The following POU2F1 variants were observed in gnomAD, a reference collection of about 807,000 sequenced individuals.
POU2F1 encodes POU class 2 homeobox 1.
In POU2F1, 16 loss-of-function variants were observed where a neutral mutation model predicts 84.9. That is an observed-to-expected ratio of 0.19 (90% CI 0.13 to 0.29). The LOEUF (loss-of-function observed/expected upper bound fraction) is 0.29. POU2F1 is among the 10% of genes least tolerant of loss of function. POU2F1 has a pLI of 1.00. For missense variants in POU2F1, 738 were observed against 942.6 expected (o/e 0.78, Z 2.84); for synonymous variants, 368 against 368.3 (o/e 1.00, Z 0.01).
chr1:167,360,214 TTG>T, intron 2 of POU2F1, among the ~76,000 whole-genome samples: 1 of 152,284 alleles, frequency 6.6e-6, no homozygotes, highest in South Asian at 2.1e-4. Flanking sequence ...TAAATCCAAG[TTG>T]TCTGTTTTTA....
chr1:167,257,274 G>A (rs555591268), intron 1 of POU2F1, among the ~76,000 whole-genome samples: 5 of 152,232 alleles, frequency 3.3e-5, no homozygotes, highest in African/African-American at 1.2e-4. Context: ...GTGAGCATGA[G>A]GATAACTTAA....
At position 167,398,061 on chromosome 1, in the gene POU2F1, G is replaced by C; in HGVS notation, c.1197G>C (p.Leu399Phe). The change falls in exon 11 of 16, where the codon TTG (leucine) becomes TTC (phenylalanine). Residue 399 changes from leucine (L) to phenylalanine (F), a missense_variant. This residue lies in a region of POU2F1 where 95 missense variants were observed against 195.1 expected (regional missense o/e 0.49). Transcript: ENST00000367866. ...SALNSPGIEGLSRRRKKRTSI... is the reference protein window; with the variant it reads ...SALNSPGIEGFSRRRKKRTSI... ...TGAATTCTCCAGGAATTGAGGGCTT[G>C]AGCCGTAGGAGGAAGAAACGCACCA... is the stretch of plus-strand genomic sequence containing the variant. 1 of 1,614,120 alleles carries C rather than the reference G, an allele frequency of 6.2e-7. No homozygotes were observed. The highest frequency in any genetic ancestry group is 8.5e-7 in the Non-Finnish European group (1 of 1,179,994).
At chr1:167,233,253 C>T (rs1649199269) in intron 1 of POU2F1, among the ~76,000 whole-genome samples, 1 of 151,606 alleles carries the variant, frequency 6.6e-6, no homozygotes, top group Non-Finnish European at 1.5e-5. Flanking sequence ...CCTCCTACCT[C>T]AGCCTCCTGA....
At chr1:167,351,371 A>G (rs1023760829) in intron 2 of POU2F1, among the ~76,000 whole-genome samples, 1 of 151,976 alleles carries the variant, frequency 6.6e-6, no homozygotes, top group African/African-American at 2.4e-5. Context: ...AAACAAAATT[A>G]GCTGGGTATG....
intron 4 of POU2F1, among the ~76,000 whole-genome samples, chr1:167,370,953 G>T (rs1178148788): frequency 1.3e-5 from 2 of 152,114 alleles, no homozygotes; most frequent in Non-Finnish European, 2.9e-5. Context: ...TTTCATTATA[G>T]TGTTTAGGTA....
At chr1:167,368,341 C>T (rs1022435732) in intron 3 of POU2F1, among the ~76,000 whole-genome samples, 1 of 151,636 alleles carries the variant, frequency 6.6e-6, no homozygotes, top group Non-Finnish European at 1.5e-5. Flanking sequence ...GAGTCCCTCT[C>T]GGTGCATTCA....
Position 167,415,530 on chromosome 1 carries a change from C to T in POU2F1, c.2021C>T (p.Thr674Ile). 6.2e-7 allele frequency: 1 copy of T among 1,614,148 alleles called. No homozygotes were observed. Among genetic ancestry groups the T allele is most frequent in the Non-Finnish European group, 8.5e-7 (1 of 1,180,024 alleles). The change falls in exon 16 of 16, where the codon ACA becomes ATA. Residue 674 changes from threonine (T) to isoleucine (I), a missense_variant. Thr to Ile is a moderately conservative substitution (Grantham distance 89, BLOSUM62 -1). Around this residue, in one of 4 missense-constraint regions of POU2F1, gnomAD observed 319 missense variants for 386.0 expected, o/e 0.83. Transcript: ENST00000367866. ...ALASGGSLPI[T>I]SLDATGNLVF... is the part of the protein sequence containing the mutation. Reference sequence around the variant, plus strand: ...GCTTCTGGTGGCTCTCTTCCAATAACATCACTTGATGCAACTGGGAACCTG... The same window carrying T: ...GCTTCTGGTGGCTCTCTTCCAATAATATCACTTGATGCAACTGGGAACCTG...
At chr1:167,258,273 C>T (rs1651298393) in intron 1 of POU2F1, among the ~76,000 whole-genome samples, 1 of 152,184 alleles carries the variant, frequency 6.6e-6, no homozygotes, top group Non-Finnish European at 1.5e-5. Flanking sequence ...AGCTTGTGAG[C>T]ATCTCCATAT....
At chr1:167,324,497 G>C (rs996417731) in intron 1 of POU2F1, among the ~76,000 whole-genome samples, 1 of 151,980 alleles carries the variant, frequency 6.6e-6, no homozygotes, top group Non-Finnish European at 1.5e-5. Context: ...ATATGCTTTG[G>C]GTTAAAATAC....
intron 1 of POU2F1, among the ~76,000 whole-genome samples, chr1:167,284,861 A>C (rs1653408465): frequency 6.6e-6 from 1 of 152,142 alleles, no homozygotes; most frequent in Non-Finnish European, 1.5e-5. Context: ...TTTCACAATA[A>C]ATGTTTGTTG....
chr1:167,312,957 G>C (rs1390875411), intron 1 of POU2F1, among the ~76,000 whole-genome samples: 1 of 152,204 alleles, frequency 6.6e-6, no homozygotes, highest in Non-Finnish European at 1.5e-5. Context: ...TTGTAGCCTA[G>C]GAGCAATAGG....
intron 7 of POU2F1, chr1:167,376,551 A>G (rs1489004521): frequency 6.4e-6 from 1 of 155,084 alleles, no homozygotes; most frequent in Admixed American, 6.5e-5. Flanking sequence ...TTTTAATTTA[A>G]GGAGGGAAGA....
chr1:167,284,035 G>T (rs1653350786), intron 1 of POU2F1, among the ~76,000 whole-genome samples: 1 of 151,968 alleles, frequency 6.6e-6, no homozygotes, highest in Non-Finnish European at 1.5e-5. Context: ...ATTTATTTTT[G>T]ACCGCTCTTA....
intron 15 of POU2F1, chr1:167,414,619 G>A: frequency 1.0e-6 from 1 of 985,372 alleles, no homozygotes; most frequent in Non-Finnish European, 1.2e-6. Context: ...TGTTGATGAT[G>A]CCTTCTTTGG....
chr1:167,295,116 C>A (rs572336428), intron 1 of POU2F1, among the ~76,000 whole-genome samples: 1 of 149,406 alleles, frequency 6.7e-6, no homozygotes, highest in South Asian at 2.1e-4. Flanking sequence ...AGCAAGACTC[C>A]ATCTCAAAAA....
Position 167,220,911 on chromosome 1 carries a change from G to C in POU2F1, c.14G>C (p.Gly5Ala), listed in dbSNP as rs1002289145. Residue 5 changes from glycine (G) to alanine (A), a missense_variant, in exon 1 of 16, where the codon GGA becomes GCA. Coordinates refer to ENST00000367866, the MANE Select transcript of POU2F1 (RefSeq NM_002697.4). MADG[G>A]AASQDESSAA... is the part of the protein sequence containing the mutation. ...AAAATATTCAAAATGGCGGACGGAG[G>C]AGCAGCGAGTCAAGATGAGAGTTCA... is the stretch of plus-strand genomic sequence containing the variant. The C allele has an allele frequency of 6.5e-7, 1 of 1,535,140 alleles. No homozygotes were observed. Among genetic ancestry groups the C allele is most frequent in the Non-Finnish European group, 8.7e-7 (1 of 1,146,786 alleles).
intron 8 of POU2F1, among the ~76,000 whole-genome samples, chr1:167,385,102 A>C (rs1229856662): frequency 6.6e-6 from 1 of 152,150 alleles, no homozygotes; most frequent in Non-Finnish European, 1.5e-5. Flanking sequence ...TACAGTACTT[A>C]GGGGTAAACA....
intron 1 of POU2F1, among the ~76,000 whole-genome samples, chr1:167,227,048 A>C (rs1212995931): frequency 2.0e-5 from 3 of 152,076 alleles, no homozygotes; most frequent in African/African-American, 7.2e-5. Flanking sequence ...GGCCTCCCCA[A>C]GTGCTGGGAC....
intron 3 of POU2F1, among the ~76,000 whole-genome samples, chr1:167,369,084 C>A (rs1234268948): frequency 6.6e-6 from 1 of 152,086 alleles, no homozygotes; most frequent in Non-Finnish European, 1.5e-5. Context: ...TTTATTCTAG[C>A]CTAGTTTATA....
Sources: allele counts gnomAD v4.1 joint callset (sites outside exome capture counted in the v4.1 genomes callset), GRCh38; gene constraint gnomAD v4.1.1; regional missense constraint gnomAD v4.1.1; transcripts MANE v1.5; gene names NCBI Gene and HGNC (gene_info 2026-07-23, HGNC 2026-07-21).